Variants in KDM2A observed in about 807,000 individuals in gnomAD.
KDM2A encodes the protein lysine demethylase 2A, also known as lysine-specific demethylase 2A.
Under a neutral mutation model 137.3 loss-of-function variants are expected in KDM2A, and 3 were observed. The observed-to-expected ratio is 0.02, with a 90% confidence interval of 0.01 to 0.06. KDM2A has a LOEUF of 0.06. Among genes scored for constraint, KDM2A ranks in the 10% least tolerant of loss-of-function variants. The pLI is 1.00. For synonymous variants in KDM2A, 512 were observed against 541.5 expected (o/e 0.95, Z 0.76); for missense variants, 738 against 1,510.6 (o/e 0.49, Z 8.48).
intron 7 of KDM2A, 164 bp from the exon 8 acceptor site, chr11:67,215,692 T>C: frequency 1.5e-6 from 1 of 688,114 alleles, no homozygotes. Context: ...AAAAACCTTT[T>C]TCTGATAATG....
At chr11:67,225,194 C>G (rs137982793) in intron 10 of KDM2A, among the ~76,000 whole-genome samples, 184 of 152,244 alleles carry the variant, frequency 1.2e-3, no homozygotes, top group African/African-American at 4.1e-3. Context: ...TCACATCACT[C>G]TAGTATACTG....
chr11:67,183,127 C>G (rs1000080769), intron 5 of KDM2A, among the ~76,000 whole-genome samples: 5 of 152,194 alleles, frequency 3.3e-5, no homozygotes, highest in Admixed American at 1.3e-4. Context: ...GTTTTAAACC[C>G]TGGCCATCTG....
At chr11:67,166,502 C>G (rs1565385296) in intron 2 of KDM2A, among the ~76,000 whole-genome samples, 1 of 151,884 alleles carries the variant, frequency 6.6e-6, no homozygotes, top group Non-Finnish European at 1.5e-5. Flanking sequence ...CTGAATATTT[C>G]TGAGTTATAT....
At chr11:67,169,924 A>AT (rs1175678959) in intron 2 of KDM2A, among the ~76,000 whole-genome samples, 1 of 150,692 alleles carries the variant, frequency 6.6e-6, no homozygotes, top group African/African-American at 2.4e-5. Flanking sequence ...TGGCAGGCTA[A>AT]TTTTTGTATT....
intron 2 of KDM2A, among the ~76,000 whole-genome samples, chr11:67,152,870 T>C (rs1166465564): frequency 6.6e-6 from 1 of 151,790 alleles, no homozygotes; most frequent in Non-Finnish European, 1.5e-5. Flanking sequence ...TTTTTAATTT[T>C]ATATATCAGT....
intron 2 of KDM2A, among the ~76,000 whole-genome samples, chr11:67,169,608 T>G (rs1167584091): frequency 6.6e-6 from 1 of 151,666 alleles, no homozygotes. Flanking sequence ...ACTCCTGACC[T>G]TAGGTGATCC....
intron 2 of KDM2A, among the ~76,000 whole-genome samples, chr11:67,148,297 T>G (rs1181785221): frequency 6.6e-6 from 1 of 151,790 alleles, no homozygotes; most frequent in African/African-American, 2.4e-5. Context: ...GGTGGACACC[T>G]GTAGTCTTAG....
At chr11:67,147,535 C>G (rs1240810904) in intron 2 of KDM2A, among the ~76,000 whole-genome samples, 3 of 149,848 alleles carry the variant, frequency 2.0e-5, no homozygotes, top group African/African-American at 7.4e-5. Context: ...GAGCGAGACT[C>G]CGTCTTAAAA....
chr11:67,207,804 C>A (rs577007352), intron 6 of KDM2A, 116 bp downstream of exon 6: 1 of 755,878 alleles, frequency 1.3e-6, no homozygotes, highest in Non-Finnish European at 2.0e-6. Context: ...GGAGGCAGAT[C>A]GCTTGAGCTG....
chr11:67,143,020 CT>C lies in KDM2A; in HGVS notation c.42+21680del, dbSNP rs1194089199. On this transcript the variant is annotated intron_variant, in intron 2 of 20. Coordinates refer to ENST00000529006, the MANE Select transcript of KDM2A (RefSeq NM_012308.3). The stretch of plus-strand genomic sequence containing the variant: ...CTTCAGTTATATATATATATCTATT[CT>C]TTTTTTTTTTTTTTTTTGAGATGGA... Among the ~76,000 whole-genome samples, 400 of 126,414 alleles carry C rather than the reference CT, an allele frequency of 3.2e-3. 2 individuals carry two copies. The highest frequency in any genetic ancestry group is 4.3e-3 in the Admixed American group (54 of 12,502). The allele number at this position is 126,414 out of a possible 152,430, so 82.9% of individuals were successfully genotyped here.
chr11:67,160,043 A>T (rs1208719879), intron 2 of KDM2A, among the ~76,000 whole-genome samples: 1 of 152,222 alleles, frequency 6.6e-6, no homozygotes, highest in African/African-American at 2.4e-5. Context: ...ACATGAAAGT[A>T]TATGTCACTG....
At chr11:67,190,805 C>G (rs1857334444) in intron 5 of KDM2A, among the ~76,000 whole-genome samples, 1 of 151,864 alleles carries the variant, frequency 6.6e-6, no homozygotes. Flanking sequence ...ATTGGATAAC[C>G]TAGATGAAGT....
At chr11:67,149,546 A>G (rs1275124411) in intron 2 of KDM2A, among the ~76,000 whole-genome samples, 2 of 152,064 alleles carry the variant, frequency 1.3e-5, no homozygotes. Flanking sequence ...AGAGCCCCTT[A>G]GCCACCTTAA....
chr11:67,158,273 A>G (rs1373481135), intron 2 of KDM2A, among the ~76,000 whole-genome samples: 3 of 152,080 alleles, frequency 2.0e-5, no homozygotes, highest in Non-Finnish European at 4.4e-5. Flanking sequence ...ATTTCTTTGT[A>G]TTGTTGAATA....
At chr11:67,157,291 T>TG (rs1418446586) in intron 2 of KDM2A, among the ~76,000 whole-genome samples, 1 of 124,676 alleles carries the variant, frequency 8.0e-6, no homozygotes, top group Non-Finnish European at 1.6e-5. Flanking sequence ...CCATCCAGCC[T>TG]GGGCGACAGA....
Position 67,252,469 on chromosome 11 carries a change from T to C in KDM2A, c.2769-225T>C. 3 of 557,576 alleles carry C rather than the reference T, an allele frequency of 5.4e-6. No homozygotes were observed. The South Asian group carries it at 5.9e-5, about 11-fold the overall frequency. The allele number at this position is 557,576 out of a possible 1,614,324, so 34.5% of individuals were successfully genotyped here. ...ATAAATCAGGGTAAAGTGGTCAAGTTATATACTATCAACATGTAGGTTTGC... is the reference window on the plus strand; with the variant it reads ...ATAAATCAGGGTAAAGTGGTCAAGTCATATACTATCAACATGTAGGTTTGC... On this transcript the variant is annotated intron_variant, in intron 17 of 20. Transcript: ENST00000529006.
Position 67,181,833 on chromosome 11 carries a change from G to A in KDM2A, c.261-13G>A. The A allele has an allele frequency of 1.9e-6, 3 of 1,612,902 alleles. No individual in the cohort carries two copies. The highest frequency in any genetic ancestry group is 2.5e-6 in the Non-Finnish European group (3 of 1,178,960). On this transcript the variant is annotated splice_polypyrimidine_tract_variant and intron_variant, in intron 4 of 20. Transcript: ENST00000529006. Reference sequence around the variant, plus strand: ...GTGTTTTCCATATATACTTACTGGTGTTTGTTTCATAGAATGCCGGATCCA... The same window carrying A: ...GTGTTTTCCATATATACTTACTGGTATTTGTTTCATAGAATGCCGGATCCA...
chr11:67,247,065 A>T (rs1327513450), intron 15 of KDM2A, among the ~76,000 whole-genome samples: 353 of 27,558 alleles, frequency 0.013, 6 homozygotes, highest in African/African-American at 0.04. Flanking sequence ...ATATATATAT[A>T]TATATATTTT....
In KDM2A at chr11:67,161,510, G is replaced by C. The variant is rs187930090; in HGVS notation, c.43-18569G>C. 2.2e-3 allele frequency among the ~76,000 whole-genome samples: 333 copies of C among 152,202 alleles called. 1 individual carries two copies. The highest frequency in any genetic ancestry group is 4.0e-3 in the Non-Finnish European group (271 of 68,018). On this transcript the variant is annotated intron_variant, in intron 2 of 20. Transcript: ENST00000529006. Reference sequence around the variant, plus strand: ...CAGGAAATACATTTTATATTACTACGTATTACTATTATATGCATGGATATA... The same window carrying C: ...CAGGAAATACATTTTATATTACTACCTATTACTATTATATGCATGGATATA...
Sources: allele counts gnomAD v4.1 joint callset (sites outside exome capture counted in the v4.1 genomes callset), GRCh38; gene constraint gnomAD v4.1.1; transcripts MANE v1.5; gene names NCBI Gene and HGNC (gene_info 2026-07-23, HGNC 2026-07-21).